The following TASP1 variants were observed in gnomAD, a reference collection of about 807,000 sequenced individuals.
TASP1 encodes taspase 1.
In TASP1, 16 loss-of-function variants were observed where a neutral mutation model predicts 56.6. The observed-to-expected ratio is 0.28, with a 90% CI of 0.19 to 0.43. The LOEUF is 0.43. Ranked by LOEUF, TASP1 falls within the 20% of genes least tolerant of loss-of-function variation. TASP1 has a pLI of 1.00. For missense variants in TASP1, 393 were observed against 511.6 expected (o/e 0.77, Z 2.24); for synonymous variants, 179 against 184.2 (o/e 0.97, Z 0.23).
the TASP1 span, among the ~76,000 whole-genome samples, chr20:13,211,385 A>G: frequency 4.9e-4 from 74 of 152,270 alleles, no homozygotes; most frequent in Non-Finnish European, 4.4e-5. Flanking sequence ...TTTGCCATAA[A>G]TGGTCATCTG....
chr20:13,381,860 C>G, the TASP1 span, among the ~76,000 whole-genome samples: 1 of 152,118 alleles, frequency 6.6e-6, no homozygotes, highest in Non-Finnish European at 1.5e-5. Context: ...ACATGATTTG[C>G]GGGGCAAGGG....
chr20:13,550,402 G>A lies in TASP1; in HGVS notation c.675+8606C>T, dbSNP rs115222122. Among the ~76,000 whole-genome samples, 770 of 152,052 alleles carry A rather than the reference G, an allele frequency of 5.1e-3. 4 individuals carry two copies. Among genetic ancestry groups the A allele is most frequent in the East Asian group, 0.012 (60 of 5,178 alleles). On this transcript the variant is annotated intron_variant, in intron 8 of 13. Coordinates refer to ENST00000337743, the MANE Select transcript of TASP1 (RefSeq NM_017714.3). ...TACTGACCTATCTACTGATTTACAT[G>A]TAAAATCTGTAGGCTCATCCAGTAA...
chr20:13,313,362 T>G, the TASP1 span, among the ~76,000 whole-genome samples: 4 of 152,256 alleles, frequency 2.6e-5, no homozygotes, highest in Admixed American at 1.3e-4. Flanking sequence ...GTAAACAGAC[T>G]GTAGCTTACT....
the TASP1 span, among the ~76,000 whole-genome samples, chr20:13,337,954 G>A: frequency 6.6e-6 from 1 of 152,134 alleles, no homozygotes; most frequent in South Asian, 2.1e-4. Flanking sequence ...TTGTCCTTAC[G>A]TTACCAGAAA....
At chr20:13,433,123 C>T (rs1027955741) in intron 12 of TASP1, among the ~76,000 whole-genome samples, 1 of 152,126 alleles carries the variant, frequency 6.6e-6, no homozygotes, top group African/African-American at 2.4e-5. Flanking sequence ...CTATCCGTCA[C>T]CTAGCCCCGC....
chr20:13,439,227 T>C (rs1353350612), intron 11 of TASP1, among the ~76,000 whole-genome samples: 1 of 152,210 alleles, frequency 6.6e-6, no homozygotes, highest in Admixed American at 6.5e-5. Flanking sequence ...TGCAGCACTA[T>C]TCACAATAGC....
chr20:13,559,371 T>C (rs529741067), intron 7 of TASP1, among the ~76,000 whole-genome samples: 1 of 152,132 alleles, frequency 6.6e-6, no homozygotes, highest in African/African-American at 2.4e-5. Context: ...AGGGCATCTG[T>C]TGATGCAAGC....
chr20:13,393,064 T>C, intron 13 of TASP1: 1 of 595,512 alleles, frequency 1.7e-6, no homozygotes, highest in Admixed American at 2.1e-5. Context: ...GGCCCCCATG[T>C]TTATATAGGC....
the TASP1 span, among the ~76,000 whole-genome samples, chr20:13,110,747 G>A: frequency 6.6e-5 from 10 of 152,294 alleles, no homozygotes; most frequent in Middle Eastern, 3.4e-3. Context: ...CCAGCGGGTA[G>A]GAATGGGCTG....
At chr20:13,216,876 T>C in the TASP1 span, among the ~76,000 whole-genome samples, 2 of 152,094 alleles carry the variant, frequency 1.3e-5, no homozygotes, top group Non-Finnish European at 2.9e-5. Flanking sequence ...ACAGGAAGTT[T>C]TTATGGGCTA....
At chr20:13,535,922 A>G (rs1369749554) in intron 8 of TASP1, among the ~76,000 whole-genome samples, 1 of 152,242 alleles carries the variant, frequency 6.6e-6, no homozygotes, top group East Asian at 1.9e-4. Context: ...CTTCTCTGGT[A>G]GGTAAGATTA....
intron 3 of TASP1, among the ~76,000 whole-genome samples, chr20:13,623,869 C>G (rs2048798405): frequency 6.6e-6 from 1 of 152,122 alleles, no homozygotes; most frequent in African/African-American, 2.4e-5. Flanking sequence ...TTATACAGAA[C>G]ACTAAATCTC....
At chr20:13,203,556 T>C in the TASP1 span, among the ~76,000 whole-genome samples, 2 of 152,186 alleles carry the variant, frequency 1.3e-5, no homozygotes, top group Non-Finnish European at 2.9e-5. Flanking sequence ...AAATGTGCCT[T>C]TATGGATAAA....
intron 13 of TASP1, among the ~76,000 whole-genome samples, chr20:13,401,699 T>G (rs2041743070): frequency 1.3e-5 from 2 of 152,220 alleles, no homozygotes; most frequent in African/African-American, 4.8e-5. Context: ...CTTTCATCAT[T>G]TGGCTACTGC....
the TASP1 span, among the ~76,000 whole-genome samples, chr20:13,113,669 A>G: frequency 2.6e-5 from 4 of 152,192 alleles, no homozygotes; most frequent in Non-Finnish European, 5.9e-5. Context: ...TGGCCTCCAT[A>G]GGGTACTTTG....
At chr20:13,538,899 A>G (rs2045516346) in intron 8 of TASP1, among the ~76,000 whole-genome samples, 1 of 152,034 alleles carries the variant, frequency 6.6e-6, no homozygotes, top group Non-Finnish European at 1.5e-5. Context: ...AAAAAAAAAA[A>G]TTAGCTAGGC....
At chr20:13,105,978 T>C in the TASP1 span, among the ~76,000 whole-genome samples, 2 of 152,188 alleles carry the variant, frequency 1.3e-5, no homozygotes, top group Non-Finnish European at 1.5e-5. Flanking sequence ...CCCAAATAGG[T>C]GAAAGTTTAT....
At chr20:13,579,400 G>A (rs981145961) in intron 6 of TASP1, among the ~76,000 whole-genome samples, 3 of 150,286 alleles carry the variant, frequency 2.0e-5, no homozygotes, top group East Asian at 1.9e-4. Context: ...ACGGAGTCTC[G>A]CTCTGTTGGC....
Position 13,580,986 on chromosome 20 carries a change from A to T in TASP1, c.404-5T>A, listed in dbSNP as rs764466342. The T allele has an allele frequency of 1.2e-4, 72 of 578,388 alleles. No homozygotes were observed. Among genetic ancestry groups the T allele is most frequent in the East Asian group, 3.9e-4 (6 of 15,316 alleles). The allele number at this position is 578,388 out of a possible 1,614,324, so 35.8% of individuals were successfully genotyped here. A position where few individuals can be genotyped will look rare whatever the true frequency, so the allele number is the denominator to read the frequency against. On this transcript the variant is annotated splice_region_variant and splice_polypyrimidine_tract_variant and intron_variant, in intron 5 of 13. Transcript: ENST00000337743. ...CCGAGACTGGGTTCTTGATTCCTAT[A>T]AAAAAAAAAAAAAAATTGGCAAAAA... is the stretch of plus-strand genomic sequence containing the variant.
Sources: gnomAD v4.1 joint callset for allele counts (sites outside exome capture counted in the v4.1 genomes callset) on GRCh38, gnomAD v4.1.1 for gene constraint, MANE v1.5 for transcripts, NCBI Gene and HGNC (gene_info 2026-07-23, HGNC 2026-07-21) for gene names.